The following MGAT4A variants were observed in gnomAD, a reference collection of about 807,000 sequenced individuals.
The protein encoded by MGAT4A is alpha-1,3-mannosyl-glycoprotein 4-beta-N-acetylglucosaminyltransferase A.
MGAT4A carries 33 observed loss-of-function variants against 74.1 expected under a neutral mutation model. That is an observed-to-expected ratio of 0.45 (90% CI 0.34 to 0.60). MGAT4A has a LOEUF of 0.60. MGAT4A is among the 20% of genes least tolerant of loss of function. The pLI is 0.02. For missense variants in MGAT4A, 479 were observed against 628.3 expected (o/e 0.76, Z 2.54); for synonymous variants, 198 against 210.4 (o/e 0.94, Z 0.51).
intron 10 of MGAT4A, among the ~76,000 whole-genome samples, chr2:98,643,035 A>G (rs377342897): frequency 6.6e-6 from 1 of 152,222 alleles, no homozygotes; most frequent in African/African-American, 2.4e-5. Flanking sequence ...TTACAGTAAT[A>G]CTTATCATTA....
At chr2:98,667,052 C>G (rs113451216) in intron 4 of MGAT4A, among the ~76,000 whole-genome samples, 6 of 152,238 alleles carry the variant, frequency 3.9e-5, no homozygotes, top group African/African-American at 1.4e-4. Flanking sequence ...ATAAGTCTTA[C>G]AAGATCTGAT....
Position 98,622,471 on chromosome 2 carries a change from C to T in MGAT4A, c.*3095G>A. 3 of 985,410 alleles carry T rather than the reference C, an allele frequency of 3.0e-6. No individual in the cohort carries two copies. The highest frequency in any genetic ancestry group is 3.6e-6 in the Non-Finnish European group (3 of 829,930). 61.0% of individuals were successfully genotyped at this position (985,410 alleles called of 1,614,324 possible). On this transcript the variant is annotated 3_prime_UTR_variant, in exon 16 of 16. Coordinates refer to ENST00000393487, the MANE Select transcript of MGAT4A (RefSeq NM_012214.3). ...CTAGTCCCAACCTTTGACACTTTTT[C>T]CATTTACTATTTTGGTAAAATGATT...
At chr2:98,718,851 CT>C in intron 2 of MGAT4A, among the ~76,000 whole-genome samples, 1 of 152,196 alleles carries the variant, frequency 6.6e-6, no homozygotes, top group Non-Finnish European at 1.5e-5. Context: ...GGTTCCACCC[CT>C]GGAATAGCAC....
In MGAT4A at chr2:98,640,260, C is replaced by T. The variant is rs1236340663; in HGVS notation, c.1021-32G>A. The T allele has an allele frequency of 7.8e-6, 12 of 1,532,208 alleles. No individual in the cohort carries two copies. In the Middle Eastern group the frequency reaches 5.1e-4, roughly 65 times the overall value. 94.9% of individuals were successfully genotyped at this position (1,532,208 alleles called of 1,614,324 possible). A position where few individuals can be genotyped will look rare whatever the true frequency, so the allele number is the denominator to read the frequency against. On this transcript the variant is annotated intron_variant, in intron 10 of 15. Coordinates refer to ENST00000393487, the MANE Select transcript of MGAT4A (RefSeq NM_012214.3). ...ATTAAAAAAAATCACGTTAGTGTTG[C>T]ATCATAAAGTGAAATCTTGCCCTCA...
chr2:98,692,792 G>A (rs996587539), intron 2 of MGAT4A, among the ~76,000 whole-genome samples: 2 of 152,192 alleles, frequency 1.3e-5, no homozygotes, highest in African/African-American at 4.8e-5. Flanking sequence ...CTAGGTTTGT[G>A]TAAGTATACC....
chr2:98,703,453 G>A (rs2104316654), intron 2 of MGAT4A, among the ~76,000 whole-genome samples: 1 of 152,168 alleles, frequency 6.6e-6, no homozygotes, highest in Non-Finnish European at 1.5e-5. Context: ...GAAGGAAATA[G>A]AGAAAAAGTA....
intron 2 of MGAT4A, chr2:98,695,176 C>T (rs985693312): frequency 1.3e-5 from 2 of 152,180 alleles, no homozygotes; most frequent in South Asian, 4.2e-4. Flanking sequence ...AGCTGGACTA[C>T]ATGTGCTCAC....
At chr2:98,674,038 C>T (rs997062626) in intron 4 of MGAT4A, among the ~76,000 whole-genome samples, 1 of 152,052 alleles carries the variant, frequency 6.6e-6, no homozygotes, top group African/African-American at 2.4e-5. Context: ...GTTTCCACCT[C>T]CTTAAGAAGG....
intron 2 of MGAT4A, among the ~76,000 whole-genome samples, chr2:98,700,919 A>C (rs1702348104): frequency 6.6e-6 from 1 of 151,964 alleles, no homozygotes; most frequent in African/African-American, 2.4e-5. Context: ...AATCTATTAC[A>C]TGTTAGCATA....
intron 2 of MGAT4A, among the ~76,000 whole-genome samples, chr2:98,723,012 T>A (rs1702702041): frequency 6.6e-6 from 1 of 152,154 alleles, no homozygotes; most frequent in Non-Finnish European, 1.5e-5. Flanking sequence ...CCATTCCACA[T>A]AATTGGAAAT....
At chr2:98,671,307 A>G (rs2104282189) in intron 4 of MGAT4A, among the ~76,000 whole-genome samples, 1 of 152,260 alleles carries the variant, frequency 6.6e-6, no homozygotes, top group South Asian at 2.1e-4. Flanking sequence ...TCCTCTTCCC[A>G]CATCCTCAAC....
In MGAT4A at chr2:98,700,313, T is replaced by C. The variant is rs1182254669; in HGVS notation, c.95-21842A>G. Among the ~76,000 whole-genome samples, 3 of 148,302 alleles carry C rather than the reference T, an allele frequency of 2.0e-5. No homozygotes were observed. In the East Asian group the frequency reaches 5.8e-4, roughly 29 times the overall value. ...TTCCTTTAGTTGACTATATATATAA[T>C]ATATACTATATATAATATATTCATA... On this transcript the variant is annotated intron_variant, in intron 2 of 15. Transcript: ENST00000393487.
chr2:98,665,445 C>T (rs1701810876), intron 4 of MGAT4A, among the ~76,000 whole-genome samples: 1 of 152,100 alleles, frequency 6.6e-6, no homozygotes, highest in Non-Finnish European at 1.5e-5. Context: ...TAAGGGACTG[C>T]CCCAAGGTCT....
rs544419274 is a variant in MGAT4A at position 98,635,435 on chromosome 2, A to G, written c.1402-147T>C. On this transcript the variant is annotated intron_variant, in intron 13 of 15. Transcript: ENST00000393487. ...TCATCTCAGTCTTGAACTTTAAAAA[A>G]CTTATTAGATTAATAATAAAAGATG... The G allele has an allele frequency of 6.8e-5, 39 of 571,734 alleles. No individual in the cohort carries two copies. In the South Asian group the frequency reaches 1.1e-3, roughly 16 times the overall value. 35.4% of individuals were successfully genotyped at this position (571,734 alleles called of 1,614,324 possible). A position where few individuals can be genotyped will look rare whatever the true frequency, so the allele number is the denominator to read the frequency against.
chr2:98,692,537 C>A (rs1477028081), intron 2 of MGAT4A, among the ~76,000 whole-genome samples: 2 of 152,208 alleles, frequency 1.3e-5, no homozygotes, highest in Non-Finnish European at 2.9e-5. Context: ...ACTCCCCACT[C>A]ACTCACTGAC....
At chr2:98,676,457 TC>T (rs1416643982) in intron 3 of MGAT4A, among the ~76,000 whole-genome samples, 2 of 152,220 alleles carry the variant, frequency 1.3e-5, no homozygotes, top group Non-Finnish European at 2.9e-5. Flanking sequence ...TTAGTGATTA[TC>T]TATTTTATTC....
intron 8 of MGAT4A, among the ~76,000 whole-genome samples, chr2:98,650,345 T>C (rs1209135229): frequency 6.6e-6 from 1 of 152,106 alleles, no homozygotes; most frequent in African/African-American, 2.4e-5. Flanking sequence ...GAGAGCCTAT[T>C]TGAACTTCCC....
chr2:98,681,171 T>C (rs1391824872), intron 2 of MGAT4A, among the ~76,000 whole-genome samples: 1 of 152,106 alleles, frequency 6.6e-6, no homozygotes, highest in Non-Finnish European at 1.5e-5. Context: ...TTAGTAGAGA[T>C]GGTGTTTCAC....
rs1270433644 is a variant in MGAT4A at position 98,623,008 on chromosome 2, A to G, written c.*2558T>C. On this transcript the variant is annotated 3_prime_UTR_variant, in exon 16 of 16. Coordinates refer to ENST00000393487, the MANE Select transcript of MGAT4A (RefSeq NM_012214.3). ...ACTCCAGCCTGGGCAACAAAGCGAG[A>G]CCCTGTCTCAAAAATAATACAAAAT... 2 of 984,980 alleles carry G rather than the reference A, an allele frequency of 2.0e-6. No individual in the cohort carries two copies. The highest frequency in any genetic ancestry group is 2.4e-6 in the Non-Finnish European group (2 of 829,582). 61.0% of individuals were successfully genotyped at this position (984,980 alleles called of 1,614,324 possible).
Sources: gnomAD v4.1 joint callset for allele counts (sites outside exome capture counted in the v4.1 genomes callset) on GRCh38, gnomAD v4.1.1 for gene constraint, MANE v1.5 for transcripts, NCBI Gene and HGNC (gene_info 2026-07-23, HGNC 2026-07-21) for gene names.